Variants in CCDC91 observed in about 807,000 individuals in gnomAD.
The protein encoded by CCDC91 is coiled-coil domain containing 91, also known as coiled-coil domain-containing protein 91.
Under a neutral mutation model 63.2 loss-of-function variants are expected in CCDC91, and 48 were observed. The ratio of observed to expected loss-of-function variants is 0.76; its 90% CI spans 0.60 to 0.97. The LOEUF is 0.97. Ranked by LOEUF, CCDC91 falls within the 50% of genes least tolerant of loss-of-function variation. The probability of loss-of-function intolerance (pLI) is 0.00; values close to 1 mark genes in which losing one functional copy is unlikely to be tolerated. For synonymous variants in CCDC91, 167 were observed against 165.8 expected (o/e 1.01, Z -0.06); for missense variants, 500 against 494.6 (o/e 1.01, Z -0.10).
intron 3 of CCDC91, among the ~76,000 whole-genome samples, chr12:28,296,857 G>C (rs1038929972): frequency 6.6e-6 from 1 of 151,786 alleles, no homozygotes; most frequent in Non-Finnish European, 1.5e-5. Flanking sequence ...TCATAACAGT[G>C]ATTTCCCTAC....
chr12:28,306,699 TA>T, intron 4 of CCDC91, 42 bp from the exon 5 acceptor site: 1 of 1,397,478 alleles, frequency 7.2e-7, no homozygotes, highest in Non-Finnish European at 9.9e-7. Context: ...TGGTATAGTG[TA>T]AACTTTCCTC....
intron 1 of CCDC91, among the ~76,000 whole-genome samples, chr12:28,246,111 A>G (rs1246005438): frequency 6.6e-6 from 1 of 152,208 alleles, no homozygotes; most frequent in Non-Finnish European, 1.5e-5. Flanking sequence ...GCAACATAAT[A>G]TCATAAGAAA....
chr12:28,242,708 T>G (rs1945427630), intron 1 of CCDC91, among the ~76,000 whole-genome samples: 1 of 152,110 alleles, frequency 6.6e-6, no homozygotes, highest in Non-Finnish European at 1.5e-5. Flanking sequence ...TGGATCTGTG[T>G]TCTCACCCAA....
At chr12:28,378,675 A>T (rs971342099) in intron 7 of CCDC91, among the ~76,000 whole-genome samples, 1 of 152,190 alleles carries the variant, frequency 6.6e-6, no homozygotes, top group Admixed American at 6.6e-5. Context: ...CAGTTATTTG[A>T]TTGAATAAGG....
chr12:28,482,977 T>TA (rs1951527635), intron 11 of CCDC91, among the ~76,000 whole-genome samples: 1 of 151,898 alleles, frequency 6.6e-6, no homozygotes, highest in South Asian at 2.1e-4. Context: ...AAGATATAAG[T>TA]AAAAAATGCT....
At position 28,305,691 on chromosome 12, in the gene CCDC91, T is replaced by A. The variant is rs1243850573; in HGVS notation, c.152T>A (p.Leu51Gln). Residue 51 changes from leucine to glutamine, a missense_variant, in exon 4 of 13, where the codon CTG becomes CAG. Physicochemically the swap from Leu to Gln is moderately radical, Grantham distance 113 (BLOSUM62 -2). Coordinates refer to ENST00000536442, the MANE Select transcript of CCDC91 (RefSeq NM_018318.5). ...TCACCATCTTCTCCTGAGATTGTAC[T>A]GGACCGTGACCACTCTTCTTCCATT... ...HLSPSSPEIV[L>Q]DRDHSSSIGC... 4 of 1,613,286 alleles carry A rather than the reference T, an allele frequency of 2.5e-6. No individual in the cohort carries two copies. Among genetic ancestry groups the A allele is most frequent in the Non-Finnish European group, 3.4e-6 (4 of 1,179,534 alleles).
At chr12:28,332,404 A>C (rs1171690809) in intron 6 of CCDC91, among the ~76,000 whole-genome samples, 1 of 152,200 alleles carries the variant, frequency 6.6e-6, no homozygotes, top group Non-Finnish European at 1.5e-5. Context: ...AGAAAAGAGC[A>C]TCCTAAGTAA....
At chr12:28,399,474 C>A (rs756938811) in intron 8 of CCDC91, among the ~76,000 whole-genome samples, 2 of 152,164 alleles carry the variant, frequency 1.3e-5, no homozygotes, top group Non-Finnish European at 2.9e-5. Context: ...TGACCACTCC[C>A]AAATCTCTTG....
chr12:28,473,877 C>T (rs544436022), intron 11 of CCDC91, among the ~76,000 whole-genome samples: 35 of 152,188 alleles, frequency 2.3e-4, no homozygotes, highest in African/African-American at 8.2e-4. Context: ...TAATTAAGCA[C>T]AACTTTTAAA....
In CCDC91 at chr12:28,547,578, T is replaced by C. The variant is rs184871963; in HGVS notation, c.1216-1485T>C. Among the ~76,000 whole-genome samples, 19 of 152,214 alleles carry C rather than the reference T, an allele frequency of 1.2e-4. No homozygotes were observed. The East Asian group carries it at 3.7e-3, about 29-fold the overall frequency. The stretch of plus-strand genomic sequence containing the variant: ...CTAAGATCTCTTTTGTTTAATAGTC[T>C]TATAAGCATAAGGTATGTATTCACC... On this transcript the variant is annotated intron_variant, in intron 12 of 12. Coordinates refer to ENST00000536442, the MANE Select transcript of CCDC91 (RefSeq NM_018318.5).
intron 8 of CCDC91, among the ~76,000 whole-genome samples, chr12:28,444,498 C>A (rs2140261182): frequency 6.6e-6 from 1 of 152,202 alleles, no homozygotes; most frequent in East Asian, 1.9e-4. Context: ...TACTCTGCAG[C>A]CATTAAAAAG....
At chr12:28,380,542 A>G (rs1945235619) in intron 7 of CCDC91, among the ~76,000 whole-genome samples, 1 of 152,096 alleles carries the variant, frequency 6.6e-6, no homozygotes, top group Non-Finnish European at 1.5e-5. Flanking sequence ...TGCTCATTAT[A>G]ACAAATTCAG....
At chr12:28,316,692 G>T in intron 6 of CCDC91, among the ~76,000 whole-genome samples, 1 of 146,440 alleles carries the variant, frequency 6.8e-6, no homozygotes. Context: ...CATGAAATTG[G>T]TTCTCTTAAA....
At chr12:28,362,722 GT>G (rs1943986092) in intron 7 of CCDC91, among the ~76,000 whole-genome samples, 1 of 152,170 alleles carries the variant, frequency 6.6e-6, no homozygotes, top group African/African-American at 2.4e-5. Flanking sequence ...ATTTGAGAAA[GT>G]TTGAGAATAT....
chr12:28,245,979 G>A (rs1422238008), intron 1 of CCDC91, among the ~76,000 whole-genome samples: 1 of 152,104 alleles, frequency 6.6e-6, no homozygotes, highest in African/African-American at 2.4e-5. Context: ...CAGCATTTCT[G>A]GTCTCAATAA....
chr12:28,470,784 A>G (rs1376422934), intron 11 of CCDC91, among the ~76,000 whole-genome samples: 2 of 152,160 alleles, frequency 1.3e-5, no homozygotes, highest in African/African-American at 4.8e-5. Flanking sequence ...CTTTGCAACA[A>G]CATGAATGGA....
chr12:28,325,705 C>A (rs1020689385), intron 6 of CCDC91, among the ~76,000 whole-genome samples: 1 of 151,558 alleles, frequency 6.6e-6, no homozygotes, highest in Non-Finnish European at 1.5e-5. Flanking sequence ...GGAAAATGCA[C>A]TGGATTAGGA....
intron 6 of CCDC91, among the ~76,000 whole-genome samples, chr12:28,325,033 G>A (rs1940856724): frequency 6.6e-6 from 1 of 151,888 alleles, no homozygotes; most frequent in South Asian, 2.1e-4. Context: ...TTGTCATAAT[G>A]TAATAGGAGA....
Position 28,390,240 on chromosome 12 carries a change from A to G in CCDC91, c.655-1064A>G, listed in dbSNP as rs77301989. On this transcript the variant is annotated intron_variant, in intron 7 of 12. Transcript: ENST00000536442. ...ATGCCTATTTATCCAGCATCTTAATACATGGTGTTTTCAACCAAGTAAATC... is the reference window on the plus strand; with the variant it reads ...ATGCCTATTTATCCAGCATCTTAATGCATGGTGTTTTCAACCAAGTAAATC... Among the ~76,000 whole-genome samples, 1,404 of 152,188 alleles carry G rather than the reference A, an allele frequency of 9.2e-3. 27 individuals carry two copies. Among genetic ancestry groups the G allele is most frequent in the African/African-American group, 0.032 (1,334 of 41,548 alleles).
Sources: gnomAD v4.1 joint callset for allele counts (sites outside exome capture counted in the v4.1 genomes callset) on GRCh38, gnomAD v4.1.1 for gene constraint, MANE v1.5 for transcripts, NCBI Gene and HGNC (gene_info 2026-07-23, HGNC 2026-07-21) for gene names.